EBF4: variants seen among roughly 807,000 people sequenced by gnomAD.
EBF4 encodes the protein transcription factor COE4.
EBF4 carries 34 observed loss-of-function variants against 67.1 expected under a neutral mutation model. The observed-to-expected ratio is 0.51, with a 90% confidence interval of 0.39 to 0.67. The LOEUF (loss-of-function observed/expected upper bound fraction) is 0.67. Among genes scored for constraint, EBF4 ranks in the 30% least tolerant of loss-of-function variants. The pLI, the probability that EBF4 is intolerant of heterozygous loss-of-function variation, is 0.00. For synonymous variants in EBF4, 387 were observed against 377.7 expected, an observed-to-expected ratio of 1.02 and a Z score of -0.29; for missense variants, 837 against 873.3, an observed-to-expected ratio of 0.96 and a Z score of 0.52.
chr20:2,701,111 C>T (rs138225717), intron 1 of EBF4, among the ~76,000 whole-genome samples: 1 of 152,346 alleles, frequency 6.6e-6, no homozygotes, highest in East Asian at 1.9e-4. Flanking sequence ...GTCCATGGCA[C>T]GGATCTTGTC....
chr20:2,755,360 GTT>G lies in EBF4; in HGVS notation c.1541-265_1541-264del. The G allele has an allele frequency of 4.1e-6, 2 of 489,164 alleles. No individual in the cohort carries two copies. The highest frequency in any genetic ancestry group is 6.6e-5 in the South Asian group (2 of 30,208). The allele number at this position is 489,164 out of a possible 1,614,324, so 30.3% of individuals were successfully genotyped here. ...TCATTTTTGGGGGGTACCTCCCACT[GTT>G]TGTTTTTTTTGAATGTTCTGGTTTT... On this transcript the variant is annotated intron_variant, in intron 14 of 16. Coordinates refer to ENST00000609451, the Ensembl canonical transcript of EBF4. The surrounding 1 kb of genome is among the most constrained non-coding windows in gnomAD (Gnocchi z 4.7).
At chr20:2,698,960 G>T (rs1157308466) in intron 1 of EBF4, among the ~76,000 whole-genome samples, 2 of 152,174 alleles carry the variant, frequency 1.3e-5, no homozygotes, top group Non-Finnish European at 2.9e-5. Context: ...GCTGGCTGTG[G>T]TTAAATTGCT....
chr20:2,752,669 C>A, intron 14 of EBF4, 124 bp downstream of exon 14: 1 of 881,794 alleles, frequency 1.1e-6, no homozygotes, highest in Non-Finnish European at 1.5e-6. Context: ...CTGGCTCAGC[C>A]CTCGGGGTCA....
intron 6 of EBF4, among the ~76,000 whole-genome samples, chr20:2,746,706 A>G (rs1336201333): frequency 2.0e-5 from 3 of 152,230 alleles, no homozygotes; most frequent in Admixed American, 2.0e-4. Context: ...TTTGGGGTAT[A>G]TAAGTAGTAC....
At chr20:2,702,024 T>G (rs2087383461) in intron 1 of EBF4, among the ~76,000 whole-genome samples, 1 of 152,124 alleles carries the variant, frequency 6.6e-6, no homozygotes, top group African/African-American at 2.4e-5. Context: ...GATCAAGGCC[T>G]CAACTTGAAA....
intron 1 of EBF4, among the ~76,000 whole-genome samples, chr20:2,697,194 G>T (rs1323534533): frequency 1.3e-5 from 2 of 152,156 alleles, no homozygotes; most frequent in African/African-American, 4.8e-5. Context: ...GGCCCAGAAG[G>T]CCTGCTAAGA....
chr20:2,717,976 A>T (rs953020103), intron 6 of EBF4, among the ~76,000 whole-genome samples: 1 of 151,896 alleles, frequency 6.6e-6, no homozygotes, highest in African/African-American at 2.4e-5. Flanking sequence ...ATGCCCGGCT[A>T]ATTTTTGTAT....
chr20:2,716,934 A>G (rs964362958), intron 6 of EBF4, among the ~76,000 whole-genome samples: 3 of 152,204 alleles, frequency 2.0e-5, no homozygotes, highest in Non-Finnish European at 2.9e-5. Context: ...CCTTCCCTGA[A>G]CATTCTTCAG....
rs1325904102 is a variant in EBF4 at position 2,707,407 on chromosome 20, A to T, written c.415-540A>T. 2.0e-5 allele frequency among the ~76,000 whole-genome samples: 3 copies of T among 152,248 alleles called. No individual in the cohort carries two copies. The East Asian group carries it at 5.8e-4, about 29-fold the overall frequency. Reference sequence around the variant, plus strand: ...GAGGTGATGCAGCAGTCCCAGGGGAAGACCGAGCCTGGGCTAGGGATGGTA... The same window carrying T: ...GAGGTGATGCAGCAGTCCCAGGGGATGACCGAGCCTGGGCTAGGGATGGTA... On this transcript the variant is annotated intron_variant, in intron 4 of 16. Transcript: ENST00000609451. This position sits in a 1 kb window ranked among gnomAD's most constrained non-coding sequence, Gnocchi z 4.6.
Position 2,755,736 on chromosome 20 carries a change from CAA to C in EBF4, c.1652_1653del (p.Lys551ThrfsTer33). On this transcript the variant is annotated frameshift_variant, in exon 15 of 17. Coordinates refer to ENST00000609451, the Ensembl canonical transcript of EBF4. LOFTEE classifies it high-confidence loss of function. The surrounding 1 kb of genome is among the most constrained non-coding windows in gnomAD (Gnocchi z 4.7). ...CGCCTGTCAACATGATCTCCGCCGT[CAA>C]ACAGAGGAGCGCCTTCGCCCCCGTG... 1 of 1,551,126 alleles carries C rather than the reference CAA, an allele frequency of 6.4e-7. No individual in the cohort carries two copies. The highest frequency in any genetic ancestry group is 8.7e-7 in the Non-Finnish European group (1 of 1,146,898).
chr20:2,713,913 G>A (rs2087574938), intron 6 of EBF4, among the ~76,000 whole-genome samples: 1 of 152,170 alleles, frequency 6.6e-6, no homozygotes, highest in East Asian at 1.9e-4. Flanking sequence ...AAGATCGTTG[G>A]AGAAAAGATG....
intron 16 of EBF4, 140 bp from the exon 17 acceptor site, chr20:2,759,128 G>A (rs1235766609): frequency 3.8e-6 from 3 of 797,248 alleles, no homozygotes; most frequent in African/African-American, 1.8e-5. Context: ...CTTCCTCCCC[G>A]GGGCCCATCT....
chr20:2,718,077 G>A (rs1045786398), intron 6 of EBF4, among the ~76,000 whole-genome samples: 2 of 152,152 alleles, frequency 1.3e-5, no homozygotes, highest in African/African-American at 4.8e-5. Context: ...CCAAAGTGCT[G>A]GAATTACAGG....
intron 7 of EBF4, 74 bp from the exon 8 acceptor site, chr20:2,749,327 C>G: frequency 8.5e-7 from 1 of 1,169,902 alleles, no homozygotes; most frequent in Non-Finnish European, 1.2e-6. Flanking sequence ...CCTCAAGGTG[C>G]TGGTTCCCCA....
chr20:2,740,132 G>C (rs549167548), intron 6 of EBF4, among the ~76,000 whole-genome samples: 73 of 152,326 alleles, frequency 4.8e-4, no homozygotes, highest in African/African-American at 1.6e-3. Context: ...GACCAATATG[G>C]TGAAACGCTG....
Position 2,737,837 on chromosome 20 carries a change from C to T in EBF4, c.558-10712C>T, listed in dbSNP as rs2087910633. ...AATGTGAAAAAAAAAAAAAAAATGG[C>T]ACCTGTAGTCCCAGCTACTCAGGAG... On this transcript the variant is annotated intron_variant, in intron 6 of 16. Coordinates refer to ENST00000609451, the Ensembl canonical transcript of EBF4. Among the ~76,000 whole-genome samples, 3 of 150,592 alleles carry T rather than the reference C, an allele frequency of 2.0e-5. No individual in the cohort carries two copies. The South Asian group carries it at 6.3e-4, about 32-fold the overall frequency.
intron 6 of EBF4, among the ~76,000 whole-genome samples, chr20:2,712,978 G>A (rs1223474883): frequency 1.3e-5 from 2 of 152,166 alleles, no homozygotes; most frequent in Admixed American, 1.3e-4. Context: ...AGGGGCAGAA[G>A]ACTGATAGAA....
In EBF4 at chr20:2,752,106, G is replaced by C; in HGVS notation, c.1194G>C (p.Ala398=). The stretch of plus-strand genomic sequence containing the variant: ...CGCAGGAGCTGCTCCTGAAGCGCGC[G>C]GCGGACGTGGCCGAGGCTCTGTACA... The change falls in exon 13 of 17, where the codon GCG becomes GCC. Residue 398 remains alanine, a synonymous_variant. Coordinates refer to ENST00000609451, the Ensembl canonical transcript of EBF4. 2.7e-6 allele frequency: 4 copies of C among 1,461,026 alleles called. No individual in the cohort carries two copies. The South Asian group carries it at 5.5e-5, about 20-fold the overall frequency. 90.5% of individuals were successfully genotyped at this position (1,461,026 alleles called of 1,614,324 possible).
chr20:2,702,659 C>T (rs565376292), intron 1 of EBF4, among the ~76,000 whole-genome samples: 1 of 152,292 alleles, frequency 6.6e-6, no homozygotes, highest in East Asian at 1.9e-4. Flanking sequence ...ATGGCTTAGC[C>T]TGAAGCCAAG....
Sources: allele counts gnomAD v4.1 joint callset (sites outside exome capture counted in the v4.1 genomes callset), GRCh38; gene constraint gnomAD v4.1.1; non-coding constraint Gnocchi (gnomAD v3.1); transcripts MANE v1.5; gene names NCBI Gene and HGNC (gene_info 2026-07-23, HGNC 2026-07-21).